The following CNBD1 variants were observed in gnomAD, a reference collection of about 807,000 sequenced individuals.
The protein encoded by CNBD1 is cyclic nucleotide-binding domain-containing protein 1.
CNBD1 carries 71 observed loss-of-function variants against 54.4 expected under a neutral mutation model. That is an observed-to-expected ratio of 1.30 (90% CI 1.08 to 1.59). CNBD1 has a LOEUF of 1.59. CNBD1 is among the 40% of genes most tolerant of loss of function. The pLI is 0.00. For missense variants in CNBD1, 659 were observed against 518.0 expected (o/e 1.27, Z -2.64); for synonymous variants, 182 against 170.7 (o/e 1.07, Z -0.51).
At chr8:86,871,538 C>A (rs560028064) in intron 1 of CNBD1, among the ~76,000 whole-genome samples, 2 of 152,338 alleles carry the variant, frequency 1.3e-5, no homozygotes, top group South Asian at 4.1e-4. Flanking sequence ...GCATTTAAAT[C>A]TTTCATGATT....
chr8:86,908,802 G>GAGACGGAGTCCTA (rs1809057032), intron 3 of CNBD1, among the ~76,000 whole-genome samples: 4 of 82,470 alleles, frequency 4.9e-5, no homozygotes, highest in East Asian at 3.2e-4. Flanking sequence ...TTTTTTTTTT[G>GAGACGGAGTCCTA]TGCTGAGGGC....
At chr8:86,905,256 A>G in intron 3 of CNBD1, 62 bp downstream of exon 3, 2 of 923,242 alleles carry the variant, frequency 2.2e-6, no homozygotes, top group Non-Finnish European at 3.4e-6. Context: ...TTGTGCTCAC[A>G]CAAGTTGAAC....
intron 2 of CNBD1, among the ~76,000 whole-genome samples, chr8:86,890,295 C>G: frequency 6.6e-6 from 1 of 152,038 alleles, no homozygotes; most frequent in East Asian, 1.9e-4. Context: ...TCTCTGCTTC[C>G]ACGACTTTCA....
intron 4 of CNBD1, among the ~76,000 whole-genome samples, chr8:87,013,383 G>A (rs1003964901): frequency 6.6e-6 from 1 of 152,050 alleles, no homozygotes; most frequent in East Asian, 1.9e-4. Context: ...CTTCTCAAAA[G>A]GGGTTCTCAA....
At chr8:87,205,474 T>C (rs1462701927) in intron 4 of CNBD1, among the ~76,000 whole-genome samples, 1 of 152,314 alleles carries the variant, frequency 6.6e-6, no homozygotes, top group East Asian at 1.9e-4. Context: ...AAATACCATG[T>C]ATTATATGAT....
chr8:87,143,703 A>C (rs1224862626), intron 4 of CNBD1, among the ~76,000 whole-genome samples: 2 of 152,202 alleles, frequency 1.3e-5, no homozygotes, highest in African/African-American at 4.8e-5. Context: ...AAATATCCAA[A>C]CCTGTGTTGA....
intron 8 of CNBD1, among the ~76,000 whole-genome samples, chr8:87,340,005 T>G (rs569572614): frequency 1.3e-5 from 2 of 152,316 alleles, no homozygotes; most frequent in Admixed American, 1.3e-4. Context: ...TATGCTTTCA[T>G]GTTGTGGTTT....
In CNBD1 at chr8:87,166,550, C is replaced by T. The variant is rs529196754; in HGVS notation, c.432-39443C>T. Reference sequence around the variant, plus strand: ...GAATCTAAACTCCTTAACAATGTTACACATGGCCTGAGGGATCTGGCCCAG... The same window carrying T: ...GAATCTAAACTCCTTAACAATGTTATACATGGCCTGAGGGATCTGGCCCAG... On this transcript the variant is annotated intron_variant, in intron 4 of 10. Transcript: ENST00000518476. The surrounding 1 kb of genome is among the most constrained non-coding windows in gnomAD (Gnocchi z 4.3). Among the ~76,000 whole-genome samples, 15 of 152,108 alleles carry T rather than the reference C, an allele frequency of 9.9e-5. No individual in the cohort carries two copies. The South Asian group carries it at 1.9e-3, about 19-fold the overall frequency.
rs191908160 is a variant in CNBD1, at chr8:87,344,881, G to A, written c.1043-6804G>A. 1.9e-3 allele frequency among the ~76,000 whole-genome samples: 293 copies of A among 152,174 alleles called. 1 individual carries two copies. Among genetic ancestry groups the A allele is most frequent in the African/African-American group, 6.7e-3 (279 of 41,530 alleles). On this transcript the variant is annotated intron_variant, in intron 8 of 10. Coordinates refer to ENST00000518476, the MANE Select transcript of CNBD1 (RefSeq NM_173538.3). ...AGGTAGTTAGGCAGTGTTAGGATGA[G>A]GTAACTAATCAGTGTATAATATTTA... is the stretch of plus-strand genomic sequence containing the variant.
At chr8:87,379,181 C>T (rs1298828869) in intron 10 of CNBD1, among the ~76,000 whole-genome samples, 1 of 151,930 alleles carries the variant, frequency 6.6e-6, no homozygotes, top group African/African-American at 2.4e-5. Flanking sequence ...GCCAGAAGTT[C>T]CAACACTATG....
intron 4 of CNBD1, among the ~76,000 whole-genome samples, chr8:86,980,212 G>A (rs1808450657): frequency 6.6e-6 from 1 of 152,182 alleles, no homozygotes; most frequent in Admixed American, 6.5e-5. Flanking sequence ...GACTAATATG[G>A]TGAGTGTTTC....
At chr8:86,955,151 A>G (rs1807730845) in intron 4 of CNBD1, among the ~76,000 whole-genome samples, 1 of 152,048 alleles carries the variant, frequency 6.6e-6, no homozygotes, top group Admixed American at 6.5e-5. Context: ...CGTCCCTACA[A>G]AGGACATGAA....
chr8:87,147,051 C>T (rs1812505491), intron 4 of CNBD1, among the ~76,000 whole-genome samples: 1 of 152,074 alleles, frequency 6.6e-6, no homozygotes, highest in Non-Finnish European at 1.5e-5. Flanking sequence ...CACCACCATG[C>T]CATCAGTGCT....
intron 2 of CNBD1, among the ~76,000 whole-genome samples, chr8:87,403,615 G>A (rs1351224928): frequency 1.3e-5 from 2 of 151,804 alleles, no homozygotes; most frequent in Non-Finnish European, 2.9e-5. Flanking sequence ...GGCTTAATCT[G>A]TATTTTATTC....
intron 8 of CNBD1, among the ~76,000 whole-genome samples, chr8:87,330,899 GT>G (rs1229228185): frequency 1.3e-5 from 2 of 152,056 alleles, no homozygotes; most frequent in African/African-American, 4.8e-5. Flanking sequence ...TATAAATTAG[GT>G]TTCTCATAGC....
intron 8 of CNBD1, among the ~76,000 whole-genome samples, chr8:87,331,088 G>A (rs1809819696): frequency 6.6e-6 from 1 of 152,004 alleles, no homozygotes; most frequent in African/African-American, 2.4e-5. Context: ...GAGGATACAT[G>A]TGCAGAACAT....
chr8:87,260,342 G>A (rs1449047225), intron 6 of CNBD1, among the ~76,000 whole-genome samples: 2 of 152,034 alleles, frequency 1.3e-5, no homozygotes. Context: ...TTTATTTCAG[G>A]GACCTGCAGC....
chr8:87,097,084 A>C (rs1586253932), intron 4 of CNBD1, among the ~76,000 whole-genome samples: 1 of 152,270 alleles, frequency 6.6e-6, no homozygotes, highest in Non-Finnish European at 1.5e-5. Flanking sequence ...AGTGAGGAAA[A>C]AAATTAAAAG....
At chr8:87,000,191 G>A (rs890962483) in intron 4 of CNBD1, among the ~76,000 whole-genome samples, 1 of 151,988 alleles carries the variant, frequency 6.6e-6, no homozygotes, top group Non-Finnish European at 1.5e-5. Context: ...GATCATGGGG[G>A]CATTTTTCCC....
Sources: gnomAD v4.1 joint callset for allele counts (sites outside exome capture counted in the v4.1 genomes callset) on GRCh38, gnomAD v4.1.1 for gene constraint, Gnocchi (gnomAD v3.1) non-coding constraint, MANE v1.5 for transcripts, NCBI Gene and HGNC (gene_info 2026-07-23, HGNC 2026-07-21) for gene names.